The following KRT76 variants were observed in gnomAD, a reference collection of about 807,000 sequenced individuals.
KRT76 encodes keratin, type II cytoskeletal 2 oral.
KRT76 carries 47 observed loss-of-function variants against 44.9 expected under a neutral mutation model. That is an observed-to-expected ratio of 1.05 (90% CI 0.83 to 1.33). The LOEUF (loss-of-function observed/expected upper bound fraction) is 1.33. KRT76 is among the 40% of genes most tolerant of loss of function. The probability of loss-of-function intolerance (pLI) is 0.00; values close to 1 mark genes in which losing one functional copy is unlikely to be tolerated. For missense variants in KRT76, 860 were observed against 775.8 expected (o/e 1.11, Z -1.29); for synonymous variants, 331 against 294.1 (o/e 1.13, Z -1.28).
At chr12:52,776,209 C>G (rs1001367305) in intron 1 of KRT76, among the ~76,000 whole-genome samples, 1 of 152,200 alleles carries the variant, frequency 6.6e-6, no homozygotes, top group Non-Finnish European at 1.5e-5. Context: ...TCTGCCCCAG[C>G]ATGGACAGCT....
chr12:52,775,638 T>C, intron 1 of KRT76, 36 bp from the exon 2 acceptor site: 1 of 1,572,450 alleles, frequency 6.4e-7, no homozygotes, highest in Non-Finnish European at 8.7e-7. Context: ...GTCAGCCCCT[T>C]GAGTTGGGCA....
At chr12:52,772,378 T>C in intron 4 of KRT76, 120 bp from the exon 5 acceptor site, 1 of 1,010,980 alleles carries the variant, frequency 9.9e-7, no homozygotes, top group Non-Finnish European at 1.4e-6. Context: ...AAAAATAAGC[T>C]CACATTTTAG....
chr12:52,770,921 T>C, intron 7 of KRT76, 78 bp downstream of exon 7: 1 of 1,581,768 alleles, frequency 6.3e-7, no homozygotes, highest in Non-Finnish European at 8.7e-7. Context: ...CCTCTCCTTA[T>C]CATCTTGCCC....
At chr12:52,769,166 G>A (rs1345568145) in intron 8 of KRT76, 56 bp from the exon 9 acceptor site, 4 of 654,712 alleles carry the variant, frequency 6.1e-6, no homozygotes, top group African/African-American at 3.6e-5. Context: ...TGGAAGCCAA[G>A]GACTGTATTA....
chr12:52,771,295 C>G, intron 6 of KRT76, 76 bp from the exon 7 acceptor site: 1 of 1,348,524 alleles, frequency 7.4e-7, no homozygotes, highest in South Asian at 1.2e-5. Flanking sequence ...TCTCTTCCCC[C>G]ACATCCTGCA....
At chr12:52,775,258 T>A in intron 2 of KRT76, 130 bp downstream of exon 2, 1 of 810,554 alleles carries the variant, frequency 1.2e-6, no homozygotes, top group South Asian at 1.6e-5. Context: ...TGCTTTGTCA[T>A]GTTTCACTCA....
intron 7 of KRT76, 139 bp from the exon 8 acceptor site, chr12:52,769,722 A>T (rs1291041838): frequency 1.8e-5 from 13 of 716,662 alleles, no homozygotes; most frequent in African/African-American, 5.3e-5. Flanking sequence ...GCCTATTCCA[A>T]GTCTGTTTCC....
chr12:52,771,385 C>A (rs1443871016), intron 6 of KRT76, among the ~76,000 whole-genome samples, 166 bp from the exon 7 acceptor site: 1 of 152,182 alleles, frequency 6.6e-6, no homozygotes, highest in Non-Finnish European at 1.5e-5. Flanking sequence ...GTTAATTCAT[C>A]TTTGTCCCAT....
In KRT76 at chr12:52,776,969, C is replaced by A. The variant is rs746233114; in HGVS notation, c.323G>T (p.Gly108Val). 1 of 1,613,964 alleles carries A rather than the reference C, an allele frequency of 6.2e-7. No homozygotes were observed. Among genetic ancestry groups the A allele is most frequent in the Non-Finnish European group, 8.5e-7 (1 of 1,179,868 alleles). The change falls in exon 1 of 9, where the codon GGT becomes GTT. Residue 108 changes from glycine (G) to valine (V), a missense_variant. Transcript: ENST00000332411. ...AAAACCACTACCTACTCCTCTGCCA[C>A]CACCAAAGCCACCACCATAGCTGCC... ...FGGSYGGGFG[G>V]GRGVGSGFGG...
chr12:52,772,463 A>G (rs6580906), intron 4 of KRT76, among the ~76,000 whole-genome samples: 133,990 of 152,318 alleles, frequency 0.88, 59,496 homozygotes, highest in Non-Finnish European at 0.95. Context: ...TAATTAGGCT[A>G]TCAGCCTGAA....
chr12:52,775,325 A>G (rs1346341688), intron 2 of KRT76, 63 bp downstream of exon 2: 4 of 1,485,712 alleles, frequency 2.7e-6, no homozygotes, highest in East Asian at 2.3e-5. Context: ...TGAAATCCCA[A>G]ATTAGGACCA....
rs1464423 is a variant in KRT76, at chr12:52,768,989, A to G, written c.1641T>C (p.Ser547=). Residue 547 remains serine, a synonymous_variant, in exon 9 of 9, where the codon AGT becomes AGC. Transcript: ENST00000332411. ...YKGGSSSSSS[S]GYGVSGGSGS... is the part of the protein sequence containing the mutation. ...CGCTGCCGCCACTGACTCCATAGCC[A>G]CTGCTGCTGCTGCTGCTGCTGCCGC... The G allele has an allele frequency of 0.83, 818,965 of 988,290 alleles. 338,054 individuals carry two copies. Among genetic ancestry groups the G allele is most frequent in the East Asian group, 0.86 (32,687 of 37,918 alleles). The allele number at this position is 988,290 out of a possible 1,614,324, so 61.2% of individuals were successfully genotyped here. A position where few individuals can be genotyped will look rare whatever the true frequency, so the allele number is the denominator to read the frequency against.
chr12:52,777,277 A>G lies in KRT76; in HGVS notation c.15T>C (p.Val5=). 1.2e-6 allele frequency: 2 copies of G among 1,614,156 alleles called. No homozygotes were observed. Among genetic ancestry groups the G allele is most frequent in the Non-Finnish European group, 1.7e-6 (2 of 1,180,042 alleles). ...TCCTGCCACTGAAGGATTTCTTGCA[A>G]ACTTGTCTGTTCATAGTGAGAGAGC... The part of the protein sequence containing the change: MNRQ[V]CKKSFSGRSQ... Residue 5 remains valine (V), a synonymous_variant, in exon 1 of 9, where the codon GTT becomes GTC. Coordinates refer to ENST00000332411, the MANE Select transcript of KRT76 (RefSeq NM_015848.4).
In KRT76 at chr12:52,771,853, C is replaced by T. The variant is rs117809690; in HGVS notation, c.1263+18G>A. 3.4e-3 allele frequency: 5,412 copies of T among 1,610,362 alleles called. 15 individuals are homozygous for T. Among genetic ancestry groups the T allele is most frequent in the Non-Finnish European group, 4.3e-3 (5,061 of 1,177,658 alleles). ...GCCCAGAAGACCTCTGGGATCTCTCCGTTAAACCCAGCCCCACCTGCTTCT... is the reference window on the plus strand; with the variant it reads ...GCCCAGAAGACCTCTGGGATCTCTCTGTTAAACCCAGCCCCACCTGCTTCT... On this transcript the variant is annotated intron_variant, in intron 6 of 8. Transcript: ENST00000332411.
At position 52,776,939 on chromosome 12, in the gene KRT76, C is replaced by G. The variant is rs767301204; in HGVS notation, c.353G>C (p.Gly118Ala). Residue 118 changes from glycine to alanine, a missense_variant, in exon 1 of 9, where the codon GGG (glycine) becomes GCG (alanine). Coordinates refer to ENST00000332411, the MANE Select transcript of KRT76 (RefSeq NM_015848.4). ...ACCAGCTCCACCAAAGCCACCAGCC[C>G]CTCCAAAACCACTACCTACTCCTCT... is the stretch of plus-strand genomic sequence containing the variant. Reference protein sequence around the residue: ...GGRGVGSGFGGAGGFGGAGGF... With the variant: ...GGRGVGSGFGAAGGFGGAGGF... 1.9e-6 allele frequency: 3 copies of G among 1,613,856 alleles called. No individual in the cohort carries two copies. The South Asian group carries it at 3.3e-5, about 18-fold the overall frequency.
rs767289982 is a variant in KRT76 at position 52,768,872 on chromosome 12, G to A, written c.1758C>T (p.Gly586=). The A allele has an allele frequency of 1.4e-5, 22 of 1,613,504 alleles. No homozygotes were observed. Among genetic ancestry groups the A allele is most frequent in the Middle Eastern group, 1.7e-4 (1 of 6,058 alleles). ...YQSSSSGSRL[G]GAGSISVSHS... Reference sequence around the variant, plus strand: ...GGCTCACGGAGATGCTACCTGCACCGCCGAGCCTGCTCCCACTACTGCTGC... The same window carrying A: ...GGCTCACGGAGATGCTACCTGCACCACCGAGCCTGCTCCCACTACTGCTGC... Residue 586 remains glycine, a synonymous_variant, in exon 9 of 9, where the codon GGC becomes GGT. Transcript: ENST00000332411.
Position 52,775,545 on chromosome 12 carries a change from G to T in KRT76, c.658C>A (p.Gln220Lys), listed in dbSNP as rs769948069. 12 of 1,613,982 alleles carry T rather than the reference G, an allele frequency of 7.4e-6. No individual in the cohort carries two copies. Among genetic ancestry groups the T allele is most frequent in the South Asian group, 6.6e-5 (6 of 91,080 alleles). Residue 220 changes from glutamine to lysine, a missense_variant, in exon 2 of 9, where the codon CAG (glutamine) becomes AAG (lysine). Coordinates refer to ENST00000332411, the MANE Select transcript of KRT76 (RefSeq NM_015848.4). ...CTGGGCCCTGAGCCTGTGGTCTGCTGCTGGAGCAGTTCCCACTTGGTCTCC... is the reference window on the plus strand; with the variant it reads ...CTGGGCCCTGAGCCTGTGGTCTGCTTCTGGAGCAGTTCCCACTTGGTCTCC... The part of the protein sequence containing the change: ...VLETKWELLQ[Q>K]QTTGSGPSSL...
intron 7 of KRT76, among the ~76,000 whole-genome samples, chr12:52,769,965 A>C (rs548860979): frequency 6.6e-6 from 1 of 152,224 alleles, no homozygotes; most frequent in Admixed American, 6.5e-5. Flanking sequence ...CTGCCTTTCC[A>C]AGAAGGCTTC....
At chr12:52,773,889 TG>T (rs1181059559) in intron 2 of KRT76, among the ~76,000 whole-genome samples, 1 of 151,190 alleles carries the variant, frequency 6.6e-6, no homozygotes, top group Non-Finnish European at 1.5e-5. Context: ...TGGAGTGCAG[TG>T]GCACAAACAT....
Sources: allele counts gnomAD v4.1 joint callset (sites outside exome capture counted in the v4.1 genomes callset), GRCh38; gene constraint gnomAD v4.1.1; transcripts MANE v1.5; gene names NCBI Gene and HGNC (gene_info 2026-07-23, HGNC 2026-07-21).